LRRC4C: variants seen among roughly 807,000 people sequenced by gnomAD.
LRRC4C encodes the protein leucine rich repeat containing 4C, also known as leucine-rich repeat-containing protein 4C.
A neutral mutation model predicts 33.6 loss-of-function variants in LRRC4C; 5 were observed. The ratio of observed to expected loss-of-function variants is 0.15; its 90% CI spans 0.08 to 0.31. The LOEUF is 0.31. Ranked by LOEUF, LRRC4C falls within the 10% of genes least tolerant of loss-of-function variation. The probability of loss-of-function intolerance (pLI) is 1.00; values close to 1 mark genes in which losing one functional copy is unlikely to be tolerated. For missense variants in LRRC4C, 560 were observed against 796.7 expected, an observed-to-expected ratio of 0.70 and a Z score of 3.58; for synonymous variants, 329 against 302.0, an observed-to-expected ratio of 1.09 and a Z score of -0.93.
intron 1 of LRRC4C, among the ~76,000 whole-genome samples, chr11:41,132,689 T>A (rs10734491): frequency 0.98 from 149,511 of 152,260 alleles, 73,477 homozygotes; most frequent in Middle Eastern, 1. Flanking sequence ...TCTACTATGA[T>A]CATTTTTATT....
intron 1 of LRRC4C, among the ~76,000 whole-genome samples, chr11:41,248,292 T>G (rs1275997690): frequency 6.6e-6 from 1 of 152,174 alleles, no homozygotes; most frequent in Non-Finnish European, 1.5e-5. Flanking sequence ...TTATATGACC[T>G]TTCTCCTCTC....
intron 1 of LRRC4C, among the ~76,000 whole-genome samples, chr11:41,153,334 C>T (rs1944083446): frequency 6.6e-6 from 1 of 152,032 alleles, no homozygotes. Context: ...GTTGTTTTTT[C>T]TCATCTTTGC....
chr11:40,994,844 T>TC, intron 1 of LRRC4C, among the ~76,000 whole-genome samples: 1 of 151,954 alleles, frequency 6.6e-6, no homozygotes, highest in East Asian at 2.0e-4. Flanking sequence ...ATCAACCTTT[T>TC]CCCCCAATGA....
At chr11:40,186,573 C>T (rs916027937) in intron 5 of LRRC4C, among the ~76,000 whole-genome samples, 2 of 152,290 alleles carry the variant, frequency 1.3e-5, no homozygotes, top group South Asian at 4.2e-4. Context: ...CATGGTCACA[C>T]GGATGTATGA....
intron 4 of LRRC4C, among the ~76,000 whole-genome samples, chr11:40,310,320 A>G (rs1327903598): frequency 6.6e-6 from 1 of 152,196 alleles, no homozygotes; most frequent in South Asian, 2.1e-4. Flanking sequence ...ATTCATAGGT[A>G]AATAAGGAAT....
intron 1 of LRRC4C, among the ~76,000 whole-genome samples, chr11:40,948,403 C>T (rs1958514874): frequency 6.6e-6 from 1 of 151,730 alleles, no homozygotes; most frequent in African/African-American, 2.4e-5. Flanking sequence ...TTTTAGTGTA[C>T]ATGTGCACAA....
At chr11:40,752,352 C>A (rs1218998254) in intron 2 of LRRC4C, among the ~76,000 whole-genome samples, 3 of 151,888 alleles carry the variant, frequency 2.0e-5, no homozygotes, top group Non-Finnish European at 4.4e-5. Context: ...ATTCATTCAA[C>A]AAGGAACTAA....
At chr11:40,959,803 T>C (rs1208631706) in intron 1 of LRRC4C, among the ~76,000 whole-genome samples, 2 of 151,682 alleles carry the variant, frequency 1.3e-5, no homozygotes, top group Non-Finnish European at 1.5e-5. Context: ...GATTGCTCTT[T>C]TAATGGCATC....
intron 1 of LRRC4C, among the ~76,000 whole-genome samples, chr11:41,325,235 T>C (rs1403633111): frequency 1.3e-5 from 2 of 152,072 alleles, no homozygotes; most frequent in Non-Finnish European, 2.9e-5. Flanking sequence ...TCATGCAAAA[T>C]GTATATTAAG....
At chr11:40,258,155 G>A (rs1052668860) in intron 4 of LRRC4C, among the ~76,000 whole-genome samples, 5 of 152,042 alleles carry the variant, frequency 3.3e-5, no homozygotes, top group Non-Finnish European at 7.4e-5. Context: ...TTTACCTACA[G>A]GTACAACTGC....
chr11:40,277,532 T>A (rs1285396696), intron 4 of LRRC4C, among the ~76,000 whole-genome samples: 1 of 152,096 alleles, frequency 6.6e-6, no homozygotes, highest in Non-Finnish European at 1.5e-5. Context: ...TCAGTGTTAT[T>A]TCTTTAAACT....
chr11:40,133,270 T>C (rs1390590627), intron 6 of LRRC4C, among the ~76,000 whole-genome samples: 1 of 152,184 alleles, frequency 6.6e-6, no homozygotes, highest in East Asian at 1.9e-4. Context: ...TATGGATTTT[T>C]ATAATGAGCA....
intron 1 of LRRC4C, among the ~76,000 whole-genome samples, chr11:41,330,251 CT>C (rs1339241898): frequency 6.6e-6 from 1 of 152,088 alleles, no homozygotes; most frequent in East Asian, 1.9e-4. Context: ...AAATACATAT[CT>C]TTTTTGTTAC....
At chr11:41,270,603 GCCAAATAAAA>G (rs767975961) in intron 1 of LRRC4C, among the ~76,000 whole-genome samples, 6 of 152,118 alleles carry the variant, frequency 3.9e-5, no homozygotes, top group Non-Finnish European at 7.4e-5. Context: ...TGATATTACT[GCCAAATAAAA>G]CCGTACCATT....
chr11:40,990,843 AT>A (rs1274120434), intron 1 of LRRC4C, among the ~76,000 whole-genome samples: 1 of 152,040 alleles, frequency 6.6e-6, no homozygotes, highest in African/African-American at 2.4e-5. Flanking sequence ...TTGAATATAC[AT>A]TTTTTTAAGT....
intron 2 of LRRC4C, among the ~76,000 whole-genome samples, chr11:40,835,536 G>A (rs1040691872): frequency 5.3e-5 from 8 of 152,032 alleles, no homozygotes; most frequent in African/African-American, 9.7e-5. Context: ...CACAGATAAC[G>A]TACTAATGAC....
chr11:40,736,808 C>T (rs371566004), intron 2 of LRRC4C, among the ~76,000 whole-genome samples: 2 of 150,192 alleles, frequency 1.3e-5, no homozygotes, highest in South Asian at 4.2e-4. Context: ...ACATAAATGT[C>T]ATCTTTTGAG....
At chr11:40,364,535 TA>T (rs1231820297) in intron 3 of LRRC4C, among the ~76,000 whole-genome samples, 1 of 151,924 alleles carries the variant, frequency 6.6e-6, no homozygotes, top group Non-Finnish European at 1.5e-5. Context: ...AAATTCACAT[TA>T]AAAAGACTAA....
intron 1 of LRRC4C, among the ~76,000 whole-genome samples, chr11:41,230,843 T>G (rs1947753677): frequency 6.8e-6 from 1 of 147,036 alleles, no homozygotes; most frequent in Non-Finnish European, 1.5e-5. Context: ...GAGAAAATTT[T>G]GCAATCTACT....
Sources: gnomAD v4.1 joint callset for allele counts (sites outside exome capture counted in the v4.1 genomes callset) on GRCh38, gnomAD v4.1.1 for gene constraint, MANE v1.5 for transcripts, NCBI Gene and HGNC (gene_info 2026-07-23, HGNC 2026-07-21) for gene names.